CDYL2: variants seen among roughly 807,000 people sequenced by gnomAD.
The protein encoded by CDYL2 is chromodomain Y like 2, also known as chromodomain Y-like protein 2.
CDYL2 carries 23 observed loss-of-function variants against 49.4 expected under a neutral mutation model. The observed-to-expected ratio is 0.47, with a 90% CI of 0.34 to 0.66. CDYL2 has a LOEUF of 0.66. Among genes scored for constraint, CDYL2 ranks in the 30% least tolerant of loss-of-function variants. The pLI is 0.01. For synonymous variants in CDYL2, 360 were observed against 268.8 expected, an observed-to-expected ratio of 1.34 and a Z score of -3.32; for missense variants, 678 against 656.4, an observed-to-expected ratio of 1.03 and a Z score of -0.36.
At chr16:80,664,781 C>T (rs536609899) in intron 2 of CDYL2, among the ~76,000 whole-genome samples, 2 of 152,058 alleles carry the variant, frequency 1.3e-5, no homozygotes, top group Non-Finnish European at 2.9e-5. Context: ...GACTAATAGA[C>T]TGTAGGCAAG....
At chr16:80,660,796 G>C (rs982877501) in intron 2 of CDYL2, among the ~76,000 whole-genome samples, 1 of 152,176 alleles carries the variant, frequency 6.6e-6, no homozygotes, top group African/African-American at 2.4e-5. Context: ...CCAATCAATA[G>C]AGAAATGCCA....
intron 2 of CDYL2, among the ~76,000 whole-genome samples, chr16:80,667,202 AT>A (rs1909303427): frequency 6.6e-6 from 1 of 152,186 alleles, no homozygotes; most frequent in Non-Finnish European, 1.5e-5. Flanking sequence ...GGAGTCACAC[AT>A]GCAGAACACA....
intron 1 of CDYL2, among the ~76,000 whole-genome samples, chr16:80,708,892 T>C (rs1183429787): frequency 2.6e-5 from 4 of 152,102 alleles, no homozygotes; most frequent in South Asian, 4.1e-4. Flanking sequence ...GCAATCCTCA[T>C]AGAAAATATT....
intron 1 of CDYL2, among the ~76,000 whole-genome samples, chr16:80,792,440 G>A (rs947806033): frequency 3.3e-5 from 5 of 152,150 alleles, no homozygotes; most frequent in African/African-American, 1.2e-4. Context: ...ACCTATACAT[G>A]ATCCTGTGCT....
At chr16:80,763,094 G>C (rs546929376) in intron 1 of CDYL2, among the ~76,000 whole-genome samples, 1 of 152,104 alleles carries the variant, frequency 6.6e-6, no homozygotes, top group African/African-American at 2.4e-5. Context: ...CTTGAGCCCA[G>C]GAGGTTGAGG....
At chr16:80,646,733 G>C (rs1037436289) in intron 2 of CDYL2, among the ~76,000 whole-genome samples, 1 of 152,120 alleles carries the variant, frequency 6.6e-6, no homozygotes, top group African/African-American at 2.4e-5. Context: ...AGGTTGCAGT[G>C]AGCCAAGATT....
At chr16:80,629,554 G>C (rs866266229) in intron 3 of CDYL2, among the ~76,000 whole-genome samples, 5 of 152,292 alleles carry the variant, frequency 3.3e-5, no homozygotes, top group Middle Eastern at 6.8e-3. Flanking sequence ...AAGTGGATAA[G>C]CTTTCAATCA....
intron 2 of CDYL2, among the ~76,000 whole-genome samples, chr16:80,658,292 A>G (rs1217103859): frequency 6.6e-6 from 1 of 152,164 alleles, no homozygotes; most frequent in Non-Finnish European, 1.5e-5. Flanking sequence ...AGCAATAAAG[A>G]TGGGGGGTGG....
chr16:80,613,057 C>A (rs964587690), intron 4 of CDYL2, among the ~76,000 whole-genome samples: 1 of 152,088 alleles, frequency 6.6e-6, no homozygotes. Context: ...CAGATTGCCC[C>A]AGTTCATGCC....
Position 80,599,403 on chromosome 16 carries a change from C to A in CDYL2, c.*4985G>T, listed in dbSNP as rs1905979406. On this transcript the variant is annotated 3_prime_UTR_variant, in exon 7 of 7. Transcript: ENST00000570137. ...AAATTCTAGTTGGTTTTATTAAACCCCAAAAACAGTGGATACACTGTCAAG... is the reference window on the plus strand; with the variant it reads ...AAATTCTAGTTGGTTTTATTAAACCACAAAAACAGTGGATACACTGTCAAG... The A allele has an allele frequency of 6.6e-6, 1 of 152,052 alleles. No individual in the cohort carries two copies. The highest frequency in any genetic ancestry group is 6.5e-5 in the Admixed American group (1 of 15,280). 9.4% of individuals were successfully genotyped at this position (152,052 alleles called of 1,614,324 possible).
intron 2 of CDYL2, among the ~76,000 whole-genome samples, chr16:80,656,134 C>A (rs759380340): frequency 6.6e-6 from 1 of 152,242 alleles, no homozygotes; most frequent in Admixed American, 6.5e-5. Flanking sequence ...AGTACCTACT[C>A]TTCGGGCTGT....
At chr16:80,656,878 G>C (rs1442755268) in intron 2 of CDYL2, among the ~76,000 whole-genome samples, 2 of 152,166 alleles carry the variant, frequency 1.3e-5, no homozygotes, top group Non-Finnish European at 2.9e-5. Context: ...CAAGATGGGA[G>C]GGGGAGCCCA....
intron 2 of CDYL2, among the ~76,000 whole-genome samples, chr16:80,645,849 G>A (rs1908316205): frequency 6.6e-6 from 1 of 151,786 alleles, no homozygotes; most frequent in East Asian, 1.9e-4. Context: ...CATGGATGAA[G>A]CTGGAAACCA....
At chr16:80,734,918 C>G (rs1905464302) in intron 1 of CDYL2, among the ~76,000 whole-genome samples, 1 of 152,188 alleles carries the variant, frequency 6.6e-6, no homozygotes, top group African/African-American at 2.4e-5. Context: ...GGCTATGATG[C>G]TGTTGATGCC....
intron 1 of CDYL2, among the ~76,000 whole-genome samples, chr16:80,717,285 T>C (rs534944235): frequency 6.6e-6 from 1 of 152,236 alleles, no homozygotes; most frequent in South Asian, 2.1e-4. Flanking sequence ...CCCAGAGTCC[T>C]AGACTGCCTT....
At chr16:80,677,372 T>A (rs1485914442) in intron 2 of CDYL2, among the ~76,000 whole-genome samples, 1 of 152,106 alleles carries the variant, frequency 6.6e-6, no homozygotes, top group African/African-American at 2.4e-5. Flanking sequence ...GTTATCTAGG[T>A]TTTCAGATTG....
chr16:80,759,905 T>C (rs745445876), intron 1 of CDYL2, among the ~76,000 whole-genome samples: 7 of 152,182 alleles, frequency 4.6e-5, no homozygotes, highest in Non-Finnish European at 1.0e-4. Flanking sequence ...CTGTCCTAAA[T>C]TCTAGGAAAA....
At chr16:80,617,921 C>T (rs1906903341) in intron 4 of CDYL2, among the ~76,000 whole-genome samples, 1 of 152,202 alleles carries the variant, frequency 6.6e-6, no homozygotes, top group Non-Finnish European at 1.5e-5. Context: ...CGACTGACAT[C>T]AAAAGATGCG....
chr16:80,777,718 A>G (rs779917948), intron 1 of CDYL2, among the ~76,000 whole-genome samples: 70 of 152,140 alleles, frequency 4.6e-4, no homozygotes, highest in Non-Finnish European at 7.7e-4. Context: ...CCAAAAAAAT[A>G]CAGACACACA....
Sources: gnomAD v4.1 joint callset for allele counts (sites outside exome capture counted in the v4.1 genomes callset) on GRCh38, gnomAD v4.1.1 for gene constraint, MANE v1.5 for transcripts, NCBI Gene and HGNC (gene_info 2026-07-23, HGNC 2026-07-21) for gene names.